The following DPP6 variants were observed in gnomAD, a reference collection of about 807,000 sequenced individuals.
DPP6 encodes the protein A-type potassium channel modulatory protein DPP6.
A neutral mutation model predicts 122.6 loss-of-function variants in DPP6; 69 were observed. That is an observed-to-expected ratio of 0.56 (90% confidence interval 0.46 to 0.69). The LOEUF is 0.69. Ranked by LOEUF, DPP6 falls within the 30% of genes least tolerant of loss-of-function variation. The pLI is 0.00. For missense variants in DPP6, 928 were observed against 1,116.9 expected, an observed-to-expected ratio of 0.83 and a Z score of 2.41; for synonymous variants, 418 against 433.1, an observed-to-expected ratio of 0.97 and a Z score of 0.43.
chr7:154,766,903 C>T (rs528554840), intron 8 of DPP6, among the ~76,000 whole-genome samples: 2 of 152,242 alleles, frequency 1.3e-5, no homozygotes, highest in East Asian at 3.9e-4. Context: ...TGAGGGGTGA[C>T]CCTTGCCCCC....
chr7:154,008,522 A>G (rs1798008313), intron 1 of DPP6, among the ~76,000 whole-genome samples: 1 of 151,950 alleles, frequency 6.6e-6, no homozygotes, highest in African/African-American at 2.4e-5. Context: ...ACATAGAAAC[A>G]CATTTCTATG....
intron 8 of DPP6, among the ~76,000 whole-genome samples, chr7:154,730,733 T>A (rs1371344057): frequency 6.6e-6 from 1 of 152,112 alleles, no homozygotes; most frequent in Non-Finnish European, 1.5e-5. Context: ...GTGTCCCCCG[T>A]CCCTAAGAGA....
At chr7:154,597,341 T>C (rs1833159189) in intron 5 of DPP6, among the ~76,000 whole-genome samples, 1 of 152,078 alleles carries the variant, frequency 6.6e-6, no homozygotes, top group Non-Finnish European at 1.5e-5. Flanking sequence ...CCGTGGCTCA[T>C]GCCTGTAATC....
At chr7:153,798,153 C>G in the DPP6 span, among the ~76,000 whole-genome samples, 2 of 152,120 alleles carry the variant, frequency 1.3e-5, no homozygotes, top group African/African-American at 4.8e-5. Context: ...CCTCCATCTT[C>G]TTAGAAGGGC....
At chr7:154,577,545 A>T (rs1029519335) in intron 5 of DPP6, among the ~76,000 whole-genome samples, 10 of 152,200 alleles carry the variant, frequency 6.6e-5, no homozygotes, top group Non-Finnish European at 1.2e-4. Flanking sequence ...AGTAATAATA[A>T]GTTCTGAAGA....
At chr7:154,299,818 C>T (rs927247282) in intron 1 of DPP6, among the ~76,000 whole-genome samples, 7 of 152,184 alleles carry the variant, frequency 4.6e-5, no homozygotes, top group East Asian at 3.9e-4. Context: ...CGAAGCAAAG[C>T]GACTGCAGCT....
chr7:154,347,561 A>C (rs973755295), intron 1 of DPP6, among the ~76,000 whole-genome samples: 1 of 152,246 alleles, frequency 6.6e-6, no homozygotes, highest in Non-Finnish European at 1.5e-5. Flanking sequence ...AAATTTACTT[A>C]ATTAGTGTTT....
At chr7:154,545,489 T>A (rs567092142) in intron 4 of DPP6, among the ~76,000 whole-genome samples, 121 of 123,394 alleles carry the variant, frequency 9.8e-4, no homozygotes, top group African/African-American at 3.4e-3. Flanking sequence ...CCTTCCTTCC[T>A]TCCTTCCATC....
chr7:154,126,266 T>G (rs1202178651), intron 1 of DPP6, among the ~76,000 whole-genome samples: 1 of 152,150 alleles, frequency 6.6e-6, no homozygotes, highest in Non-Finnish European at 1.5e-5. Context: ...AATGTGTGAT[T>G]GTGAAATAGG....
At chr7:153,956,629 A>C (rs1037194328) in intron 1 of DPP6, among the ~76,000 whole-genome samples, 2 of 152,156 alleles carry the variant, frequency 1.3e-5, no homozygotes, top group Non-Finnish European at 2.9e-5. Context: ...CAGGACCCAA[A>C]GGATCAGGCT....
In DPP6 at chr7:154,426,903, C is replaced by A. The variant is rs534504161; in HGVS notation, c.244-19311C>A. Among the ~76,000 whole-genome samples the A allele has an allele frequency of 4.0e-5, 6 of 151,558 alleles. No homozygotes were observed. In the South Asian group the frequency reaches 1.3e-3, roughly 32 times the overall value. On this transcript the variant is annotated intron_variant, in intron 1 of 25. Coordinates refer to ENST00000377770, the MANE Select transcript of DPP6 (RefSeq NM_130797.4). ...TTCCAAGAGAATTATTTGTTTCCTA[C>A]CCTAGGAGTCAAAAGTGTTTGTTTA...
chr7:154,845,966 G>A (rs1801908610), intron 16 of DPP6, among the ~76,000 whole-genome samples: 1 of 151,724 alleles, frequency 6.6e-6, no homozygotes, highest in South Asian at 2.1e-4. Context: ...GGACCAATGG[G>A]ATGCGTCTTG....
chr7:154,699,888 G>C (rs984484829), intron 7 of DPP6, among the ~76,000 whole-genome samples: 2 of 152,160 alleles, frequency 1.3e-5, no homozygotes, highest in African/African-American at 4.8e-5. Flanking sequence ...TCTGACGAGG[G>C]GAGTCTTCAG....
chr7:154,753,495 C>T (rs1053760081), intron 8 of DPP6, among the ~76,000 whole-genome samples: 19 of 152,076 alleles, frequency 1.2e-4, no homozygotes, highest in African/African-American at 4.6e-4. Context: ...TGGATTTCCC[C>T]GAGCGCCACC....
Position 154,014,605 on chromosome 7 carries a change from T to A in DPP6, c.51+126871T>A, listed in dbSNP as rs193232631. On this transcript the variant is annotated intron_variant, in intron 1 of 25. Coordinates refer to the DPP6 transcript ENST00000404039. ...TGAACCTGGGAGACGGAGGTTGTAG[T>A]GAGCCGAGATTTTGCCACTGCACTC... Among the ~76,000 whole-genome samples, 619 of 151,790 alleles carry A rather than the reference T, an allele frequency of 4.1e-3. 4 individuals carry two copies. Among genetic ancestry groups the A allele is most frequent in the African/African-American group, 0.014 (582 of 41,344 alleles).
chr7:154,187,861 A>G (rs776887320), intron 1 of DPP6, among the ~76,000 whole-genome samples: 5 of 152,184 alleles, frequency 3.3e-5, no homozygotes, highest in Admixed American at 6.5e-5. Context: ...TCTGATGCCG[A>G]GACTCTAACC....
the DPP6 span, among the ~76,000 whole-genome samples, chr7:153,770,383 G>A: frequency 6.6e-6 from 1 of 152,090 alleles, no homozygotes; most frequent in Non-Finnish European, 1.5e-5. Flanking sequence ...GGACAAAGAA[G>A]AACAAAGAAC....
intron 1 of DPP6, among the ~76,000 whole-genome samples, chr7:154,354,846 G>A (rs1004471115): frequency 6.6e-6 from 1 of 152,188 alleles, no homozygotes; most frequent in Admixed American, 6.5e-5. Flanking sequence ...GGGCACTCTT[G>A]TATGTTCAGT....
At chr7:154,171,535 G>A (rs1337388962) in intron 1 of DPP6, among the ~76,000 whole-genome samples, 1 of 152,160 alleles carries the variant, frequency 6.6e-6, no homozygotes, top group African/African-American at 2.4e-5. Flanking sequence ...AATTAAGCTT[G>A]AGTTTCAAGA....
Sources: gnomAD v4.1 joint callset for allele counts (sites outside exome capture counted in the v4.1 genomes callset) on GRCh38, gnomAD v4.1.1 for gene constraint, MANE v1.5 for transcripts, NCBI Gene and HGNC (gene_info 2026-07-23, HGNC 2026-07-21) for gene names.